Variants in TOM1L1 observed in about 807,000 individuals in gnomAD.
TOM1L1 encodes TOM1-like protein 1.
Under a neutral mutation model 63.4 loss-of-function variants are expected in TOM1L1, and 64 were observed. That is an observed-to-expected ratio of 1.01 (90% CI 0.83 to 1.24). The LOEUF is 1.24. Among genes scored for constraint, TOM1L1 ranks in the 50% most tolerant of loss-of-function variants. The probability of loss-of-function intolerance (pLI) is 0.00; values close to 1 mark genes in which losing one functional copy is unlikely to be tolerated. For missense variants in TOM1L1, 536 were observed against 567.0 expected (o/e 0.95, Z 0.55); for synonymous variants, 166 against 194.4 (o/e 0.85, Z 1.22).
chr17:54,932,428 G>T (rs985045224), intron 8 of TOM1L1, among the ~76,000 whole-genome samples: 8 of 152,212 alleles, frequency 5.3e-5, no homozygotes. Context: ...AGGGTGTGGC[G>T]CCGGGCTGTC....
Position 54,961,632 on chromosome 17 carries a change from CTG to C in TOM1L1, c.*400_*401del, listed in dbSNP as rs1172054821. The C allele has an allele frequency of 8.2e-6, 9 of 1,100,562 alleles. No individual in the cohort carries two copies. Among genetic ancestry groups the C allele is most frequent in the South Asian group, 6.6e-5 (2 of 30,230 alleles). The allele number at this position is 1,100,562 out of a possible 1,614,324, so 68.2% of individuals were successfully genotyped here. A position where few individuals can be genotyped will look rare whatever the true frequency, so the allele number is the denominator to read the frequency against. On this transcript the variant is annotated 3_prime_UTR_variant, in exon 16 of 16. Coordinates refer to ENST00000575882, the MANE Select transcript of TOM1L1 (RefSeq NM_005486.3). ...AGATGAAAGCATAAAATGTGAGAAA[CTG>C]AATGTATTATTCAGGAAGAATACTG...
chr17:54,939,416 G>C (rs1197727255), intron 11 of TOM1L1, among the ~76,000 whole-genome samples: 1 of 140,200 alleles, frequency 7.1e-6, no homozygotes, highest in Admixed American at 7.0e-5. Context: ...GGAAGAACAG[G>C]GGAAATACAA....
chr17:54,941,004 CCT>C (rs2049024895), intron 11 of TOM1L1, among the ~76,000 whole-genome samples: 1 of 151,786 alleles, frequency 6.6e-6, no homozygotes, highest in Non-Finnish European at 1.5e-5. Flanking sequence ...GTTTTCATTC[CCT>C]CTTCATCCTC....
chr17:54,946,085 C>T (rs2049113682), intron 11 of TOM1L1, among the ~76,000 whole-genome samples: 1 of 152,184 alleles, frequency 6.6e-6, no homozygotes, highest in African/African-American at 2.4e-5. Context: ...GGCGGTGGCT[C>T]CAATGTCAGC....
intron 2 of TOM1L1, among the ~76,000 whole-genome samples, chr17:54,904,404 G>A (rs2048377789): frequency 6.6e-6 from 1 of 150,814 alleles, no homozygotes; most frequent in African/African-American, 2.4e-5. Context: ...GAAAAAGAGA[G>A]ATTGTGTCCT....
chr17:54,961,177 G>A, intron 15 of TOM1L1, 58 bp from the exon 16 acceptor site: 1 of 1,162,226 alleles, frequency 8.6e-7, no homozygotes, highest in South Asian at 1.3e-5. Context: ...GAGTTATCAA[G>A]GAATGGGGAA....
intron 8 of TOM1L1, among the ~76,000 whole-genome samples, chr17:54,935,858 C>T (rs1003011378): frequency 1.6e-4 from 25 of 152,282 alleles, no homozygotes; most frequent in Non-Finnish European, 2.4e-4. Flanking sequence ...CGCGGTGGCT[C>T]ATGCCTGTAA....
chr17:54,905,435 T>A (rs2143730263), intron 2 of TOM1L1, 54 bp from the exon 3 acceptor site: 1 of 1,214,306 alleles, frequency 8.2e-7, no homozygotes, highest in East Asian at 2.3e-5. Flanking sequence ...TCAGAGAGAC[T>A]GCTTGTTTTC....
intron 14 of TOM1L1, among the ~76,000 whole-genome samples, chr17:54,956,149 A>G (rs2049491368): frequency 6.6e-6 from 1 of 152,136 alleles, no homozygotes; most frequent in African/African-American, 2.4e-5. Flanking sequence ...AACACAGGTT[A>G]TTATTATTTT....
At chr17:54,921,487 C>G (rs1254840119) in intron 7 of TOM1L1, among the ~76,000 whole-genome samples, 1 of 152,090 alleles carries the variant, frequency 6.6e-6, no homozygotes, top group Non-Finnish European at 1.5e-5. Context: ...CATCTGTAAT[C>G]CCAGCACTTT....
chr17:54,922,059 G>A (rs1307843190), intron 7 of TOM1L1, among the ~76,000 whole-genome samples: 2 of 152,136 alleles, frequency 1.3e-5, no homozygotes, highest in Non-Finnish European at 2.9e-5. Context: ...TTGGGAGGCC[G>A]AGGCAGGCGG....
In TOM1L1 at chr17:54,910,309, A is replaced by G. The variant is rs182670698; in HGVS notation, c.223-2357A>G. ...CATGTCTACTAAAAATACAAAAATT[A>G]GCTGGGCATGGTGGTGCACGCCTGT... is the stretch of plus-strand genomic sequence containing the variant. On this transcript the variant is annotated intron_variant, in intron 3 of 15. Transcript: ENST00000575882. Among the ~76,000 whole-genome samples, 100 of 152,256 alleles carry G rather than the reference A, an allele frequency of 6.6e-4. 1 individual carries two copies. The highest frequency in any genetic ancestry group is 3.4e-3 in the Middle Eastern group (1 of 294).
chr17:54,929,741 G>GTTTTTTTTT (rs61518775), intron 7 of TOM1L1, among the ~76,000 whole-genome samples: 3 of 142,012 alleles, frequency 2.1e-5, no homozygotes, highest in Non-Finnish European at 1.5e-5. Context: ...AAAAACATGT[G>GTTTTTTTTT]TTTTTTTTTT....
At chr17:54,901,066 C>T (rs535010170) in intron 1 of TOM1L1, 143 bp downstream of exon 1, 44 of 1,107,938 alleles carry the variant, frequency 4.0e-5, no homozygotes, top group African/African-American at 3.4e-4. Context: ...TCCCAAGGCA[C>T]CCGCATTCCA....
At chr17:54,951,614 G>A (rs963389112) in intron 14 of TOM1L1, among the ~76,000 whole-genome samples, 2 of 152,220 alleles carry the variant, frequency 1.3e-5, no homozygotes, top group African/African-American at 4.8e-5. Context: ...TGGGAGTTGT[G>A]AGCCAGGAAC....
rs753220120 is a variant in TOM1L1 at position 54,914,640 on chromosome 17, C to T, written c.500C>T (p.Thr167Ile). Residue 167 changes from threonine to isoleucine, a missense_variant and splice_region_variant, in exon 6 of 16, where the codon ACT becomes ATT. Transcript: ENST00000575882. ...TATTACCATGTTTCATACTCATAGA[C>T]TGCTCAAATCTCATCAAATCCTCCA... The part of the protein sequence containing the change: ...EAEAETARQE[T>I]AQISSNPPTS... The T allele has an allele frequency of 3.5e-5, 57 of 1,611,130 alleles. No homozygotes were observed. The highest frequency in any genetic ancestry group is 4.8e-5 in the Non-Finnish European group (56 of 1,177,618).
At chr17:54,927,209 C>T (rs1305843247) in intron 7 of TOM1L1, among the ~76,000 whole-genome samples, 13 of 152,072 alleles carry the variant, frequency 8.5e-5, no homozygotes, top group South Asian at 2.1e-4. Context: ...GGGTTTCTTG[C>T]GCTTTGGGGA....
intron 14 of TOM1L1, chr17:54,958,434 T>C (rs2077007118): frequency 6.6e-6 from 1 of 152,138 alleles, no homozygotes; most frequent in Non-Finnish European, 1.5e-5. Context: ...GAAGCAGTGA[T>C]GAAAACAGGT....
intron 8 of TOM1L1, 75 bp downstream of exon 8, chr17:54,930,281 G>C: frequency 6.3e-7 from 1 of 1,593,852 alleles, no homozygotes; most frequent in Non-Finnish European, 8.6e-7. Context: ...ATTCTTATCA[G>C]AGTGCCTACA....
Sources: gnomAD v4.1 joint callset for allele counts (sites outside exome capture counted in the v4.1 genomes callset) on GRCh38, gnomAD v4.1.1 for gene constraint, MANE v1.5 for transcripts, NCBI Gene and HGNC (gene_info 2026-07-23, HGNC 2026-07-21) for gene names.